PDE10A: variants seen among roughly 807,000 people sequenced by gnomAD.
The protein encoded by PDE10A is cAMP and cAMP-inhibited cGMP 3',5'-cyclic phosphodiesterase 10A.
PDE10A carries 39 observed loss-of-function variants against 97.7 expected under a neutral mutation model. That is an observed-to-expected ratio of 0.40 (90% CI 0.31 to 0.52). The LOEUF (loss-of-function observed/expected upper bound fraction) is 0.52. PDE10A is among the 20% of genes least tolerant of loss of function. The pLI is 0.56. For synonymous variants in PDE10A, 371 were observed against 376.8 expected, an observed-to-expected ratio of 0.98 and a Z score of 0.18; for missense variants, 731 against 1,047.8, an observed-to-expected ratio of 0.70 and a Z score of 4.17.
intron 1 of PDE10A, among the ~76,000 whole-genome samples, chr6:165,869,399 A>C (rs1781139907): frequency 6.6e-6 from 1 of 152,072 alleles, no homozygotes; most frequent in Admixed American, 6.5e-5. Flanking sequence ...AGGAAGTAAA[A>C]GACATCTACA....
intron 1 of PDE10A, among the ~76,000 whole-genome samples, chr6:165,897,691 T>C (rs924590732): frequency 1.3e-5 from 2 of 148,346 alleles, no homozygotes; most frequent in African/African-American, 2.5e-5. Flanking sequence ...CCTGTTCATC[T>C]TGGAGTTCCG....
At chr6:165,391,202 T>G (rs1785688625) in intron 16 of PDE10A, among the ~76,000 whole-genome samples, 1 of 152,198 alleles carries the variant, frequency 6.6e-6, no homozygotes, top group Non-Finnish European at 1.5e-5. Context: ...CTTTTAGAGA[T>G]TAAATTTCTT....
Position 165,388,167 on chromosome 6 carries a change from T to G in PDE10A, c.2610+131A>C, listed in dbSNP as rs764329797. The G allele has an allele frequency of 2.1e-5, 15 of 723,626 alleles. No individual in the cohort carries two copies. The highest frequency in any genetic ancestry group is 3.3e-5 in the Non-Finnish European group (14 of 425,704). The allele number at this position is 723,626 out of a possible 1,614,324, so 44.8% of individuals were successfully genotyped here. On this transcript the variant is annotated intron_variant, in intron 17 of 21. Transcript: ENST00000539869. The surrounding 1 kb of genome is among the most constrained non-coding windows in gnomAD (Gnocchi z 4.0). ...TATTATTTAATGATGACTATAAATATAAGGTTCTACAATAAAAAGTAGCTG... is the reference window on the plus strand; with the variant it reads ...TATTATTTAATGATGACTATAAATAGAAGGTTCTACAATAAAAAGTAGCTG...
intron 2 of PDE10A, among the ~76,000 whole-genome samples, chr6:165,522,739 C>T (rs1201671317): frequency 1.3e-5 from 2 of 152,054 alleles, no homozygotes; most frequent in African/African-American, 4.8e-5. Flanking sequence ...ACTCTTATCA[C>T]TCTTATTTAG....
intron 1 of PDE10A, among the ~76,000 whole-genome samples, chr6:165,865,159 G>GC (rs1294281343): frequency 6.6e-5 from 10 of 152,094 alleles, no homozygotes; most frequent in Admixed American, 5.9e-4. Context: ...CACAGCCTTA[G>GC]CCACTGAAAA....
At chr6:165,829,911 T>C (rs1362851954) in intron 1 of PDE10A, among the ~76,000 whole-genome samples, 1 of 152,128 alleles carries the variant, frequency 6.6e-6, no homozygotes, top group African/African-American at 2.4e-5. Context: ...AAAGGTGAGC[T>C]GTACTACGTT....
At chr6:165,373,637 T>C (rs983994608) in intron 18 of PDE10A, among the ~76,000 whole-genome samples, 9 of 152,152 alleles carry the variant, frequency 5.9e-5, no homozygotes, top group African/African-American at 2.2e-4. Flanking sequence ...TTGGTGGGAC[T>C]GTAAACTAGT....
chr6:165,861,009 T>C (rs1780886524), intron 1 of PDE10A, among the ~76,000 whole-genome samples: 1 of 152,206 alleles, frequency 6.6e-6, no homozygotes, highest in South Asian at 2.1e-4. Flanking sequence ...TTTCATTCAC[T>C]CAACACATGT....
At chr6:165,764,293 A>T (rs958380024) in intron 1 of PDE10A, among the ~76,000 whole-genome samples, 8 of 152,194 alleles carry the variant, frequency 5.3e-5, no homozygotes, top group Non-Finnish European at 4.4e-5. Context: ...CCTCATATGC[A>T]CTCCAGAAAT....
intron 2 of PDE10A, among the ~76,000 whole-genome samples, chr6:165,535,909 C>T (rs1343920073): frequency 2.0e-5 from 3 of 151,930 alleles, no homozygotes; most frequent in African/African-American, 7.2e-5. Flanking sequence ...AAGCAATCTA[C>T]AGATTCAATG....
At chr6:165,937,516 A>G (rs1159239762) in intron 1 of PDE10A, among the ~76,000 whole-genome samples, 1 of 152,208 alleles carries the variant, frequency 6.6e-6, no homozygotes, top group Non-Finnish European at 1.5e-5. Flanking sequence ...AACCTTTCTT[A>G]TTTTTATATC....
At chr6:165,810,625 C>A (rs2128467220) in intron 1 of PDE10A, among the ~76,000 whole-genome samples, 1 of 152,284 alleles carries the variant, frequency 6.6e-6, no homozygotes, top group African/African-American at 2.4e-5. Context: ...CTCCCTTCTT[C>A]TCTTTCAGTC....
chr6:165,605,756 C>T (rs1022976279), intron 1 of PDE10A, among the ~76,000 whole-genome samples: 5 of 151,860 alleles, frequency 3.3e-5, no homozygotes, highest in African/African-American at 1.2e-4. Flanking sequence ...AGGTGGCCAT[C>T]GACATCTTAT....
chr6:165,828,046 T>G (rs1364175496), intron 1 of PDE10A, among the ~76,000 whole-genome samples: 1 of 152,130 alleles, frequency 6.6e-6, no homozygotes, highest in Admixed American at 6.5e-5. Context: ...GTCATCTCAA[T>G]GATGCTCAGG....
chr6:165,626,137 T>A (rs1165239896), intron 1 of PDE10A, among the ~76,000 whole-genome samples: 1 of 152,104 alleles, frequency 6.6e-6, no homozygotes, highest in African/African-American at 2.4e-5. Flanking sequence ...GGAAGGAGGG[T>A]GCAGCCAGCT....
intron 5 of PDE10A, 69 bp downstream of exon 5, chr6:165,448,859 A>G: frequency 5.3e-6 from 5 of 949,238 alleles, no homozygotes; most frequent in East Asian, 2.4e-5. Context: ...TCGGTTGTTT[A>G]TAACTTTTTT....
chr6:165,640,937 C>T (rs1239324894), intron 1 of PDE10A, among the ~76,000 whole-genome samples: 1 of 152,208 alleles, frequency 6.6e-6, no homozygotes, highest in Non-Finnish European at 1.5e-5. Flanking sequence ...GAACAAATAT[C>T]ACTTGTCTGA....
intron 1 of PDE10A, among the ~76,000 whole-genome samples, chr6:165,709,705 G>A (rs1404373410): frequency 2.6e-5 from 2 of 77,916 alleles, no homozygotes; most frequent in South Asian, 6.9e-4. Flanking sequence ...CCCATGCTGC[G>A]GCACTGTCCC....
At chr6:165,603,132 C>A (rs1000277950) in intron 1 of PDE10A, among the ~76,000 whole-genome samples, 4 of 152,164 alleles carry the variant, frequency 2.6e-5, no homozygotes, top group Non-Finnish European at 5.9e-5. Context: ...CCAACTTTGG[C>A]AAGCCACGGG....
Sources: gnomAD v4.1 joint callset for allele counts (sites outside exome capture counted in the v4.1 genomes callset) on GRCh38, gnomAD v4.1.1 for gene constraint, Gnocchi (gnomAD v3.1) non-coding constraint, MANE v1.5 for transcripts, NCBI Gene and HGNC (gene_info 2026-07-23, HGNC 2026-07-21) for gene names.